NLRP1: variants seen among roughly 807,000 people sequenced by gnomAD.
The protein encoded by NLRP1 is NLR family pyrin domain containing 1.
A neutral mutation model predicts 136.7 loss-of-function variants in NLRP1; 94 were observed. The ratio of observed to expected loss-of-function variants is 0.69; its 90% CI spans 0.58 to 0.82. NLRP1 has a LOEUF of 0.82. Among genes scored for constraint, NLRP1 ranks in the 40% least tolerant of loss-of-function variants. The pLI, the probability that NLRP1 is intolerant of heterozygous loss-of-function variation, is 0.00. For synonymous variants in NLRP1, 690 were observed against 725.1 expected (o/e 0.95, Z 0.78); for missense variants, 1,575 against 1,802.7 (o/e 0.87, Z 2.29).
intron 3 of NLRP1, among the ~76,000 whole-genome samples, chr17:5,580,018 C>T (rs1003443980): frequency 2.0e-5 from 3 of 151,906 alleles, no homozygotes; most frequent in East Asian, 1.9e-4. Flanking sequence ...TGGATCACCT[C>T]GGATCAGGAG....
chr17:5,505,799 T>G (rs1907303029), intron 15 of NLRP1: 2 of 152,294 alleles, frequency 1.3e-5, no homozygotes. Context: ...TAGAGAGAAC[T>G]TAGCGCTTCC....
At chr17:5,578,545 T>A (rs28823121) in intron 3 of NLRP1, among the ~76,000 whole-genome samples, 8,230 of 152,196 alleles carry the variant, frequency 0.054, 454 homozygotes, top group African/African-American at 0.14. Context: ...GAAATGCAAA[T>A]CAAAACCACA....
At chr17:5,522,461 C>G (rs773891603) in intron 12 of NLRP1, among the ~76,000 whole-genome samples, 2 of 152,208 alleles carry the variant, frequency 1.3e-5, no homozygotes, top group African/African-American at 2.4e-5. Context: ...ACCAACACAC[C>G]AAATCTGCTG....
In NLRP1 at chr17:5,521,631, G is replaced by A; in HGVS notation, c.3676C>T (p.Leu1226=). The stretch of plus-strand genomic sequence containing the variant: ...ACAGAGGTGACGGGAATGAAGCGCA[G>A]GGCATTATGGATCATTTTCAGGAGG... ...GVLLKMIHNA[L]RFIPVTSVVL... The change falls in exon 13 of 17, where the codon CTG becomes TTG. Residue 1226 remains leucine (L), a synonymous_variant. Transcript: ENST00000572272. 1.2e-6 allele frequency: 2 copies of A among 1,614,122 alleles called. No homozygotes were observed. The highest frequency in any genetic ancestry group is 1.7e-6 in the Non-Finnish European group (2 of 1,180,028).
chr17:5,551,536 A>C (rs1305721254), intron 5 of NLRP1, among the ~76,000 whole-genome samples: 1 of 152,208 alleles, frequency 6.6e-6, no homozygotes, highest in African/African-American at 2.4e-5. Flanking sequence ...TCATTTTGGT[A>C]AATATCAAGG....
chr17:5,523,672 A>G (rs1909182750), intron 12 of NLRP1, among the ~76,000 whole-genome samples: 1 of 152,200 alleles, frequency 6.6e-6, no homozygotes, highest in East Asian at 1.9e-4. Flanking sequence ...CCTAGGGATC[A>G]GAGGTCCCAG....
At position 5,520,809 on chromosome 17, in the gene NLRP1, C is replaced by G. The variant is rs12946467; in HGVS notation, c.3915+72G>C. ...TCCTGTCCCTGAGAAAGCCCTGAGACCTGCCCCACAGGCATTCATTCCCAG... is the reference window on the plus strand; with the variant it reads ...TCCTGTCCCTGAGAAAGCCCTGAGAGCTGCCCCACAGGCATTCATTCCCAG... On this transcript the variant is annotated intron_variant, in intron 14 of 16. Coordinates refer to ENST00000572272, the MANE Select transcript of NLRP1 (RefSeq NM_033004.4). 503,920 of 1,373,100 alleles carry G rather than the reference C, an allele frequency of 0.37. 97,683 individuals carry two copies. The highest frequency in any genetic ancestry group is 0.4 in the Non-Finnish European group (409,037 of 1,028,450). The allele number at this position is 1,373,100 out of a possible 1,614,324, so 85.1% of individuals were successfully genotyped here.
At chr17:5,557,554 C>A (rs769057200) in intron 4 of NLRP1, among the ~76,000 whole-genome samples, 1 of 152,118 alleles carries the variant, frequency 6.6e-6, no homozygotes, top group African/African-American at 2.4e-5. Flanking sequence ...CCTTAAGGCA[C>A]GTATTGTGCT....
At chr17:5,534,697 C>T (rs1036447942) in intron 8 of NLRP1, among the ~76,000 whole-genome samples, 12 of 152,214 alleles carry the variant, frequency 7.9e-5, no homozygotes, top group African/African-American at 2.9e-4. Context: ...ATTTTCTACA[C>T]AGCAGCCAAT....
downstream of NLRP1, among the ~76,000 whole-genome samples, chr17:5,511,250 G>T (rs1227528999): frequency 6.6e-6 from 1 of 152,004 alleles, no homozygotes; most frequent in Non-Finnish European, 1.5e-5. Context: ...GGCCAACATG[G>T]TGAAACCCCG....
Position 5,541,901 on chromosome 17 carries a change from A to C in NLRP1, c.2655T>G (p.Leu885=), listed in dbSNP as rs764300207. The C allele has an allele frequency of 3.1e-6, 5 of 1,613,808 alleles. No individual in the cohort carries two copies. Among genetic ancestry groups the C allele is most frequent in the Admixed American group, 1.7e-5 (1 of 59,978 alleles). ...NVLTDAGAKH[L]CQRLRQPSCK... ...AGCTCGGCTGTCTCAGTCTCTGGCA[A>C]AGGTGTTTGGCTCCAGCATCCGTGA... is the stretch of plus-strand genomic sequence containing the variant. Residue 885 remains leucine, a synonymous_variant, in exon 6 of 17, where the codon CTT becomes CTG. Transcript: ENST00000572272. This position sits in a 1 kb window ranked among gnomAD's most constrained non-coding sequence, Gnocchi z 4.2.
chr17:5,522,246 C>A (rs1220819962), intron 12 of NLRP1, among the ~76,000 whole-genome samples: 1 of 152,242 alleles, frequency 6.6e-6, no homozygotes, highest in Non-Finnish European at 1.5e-5. Context: ...TGTCTGTGTC[C>A]TCCTACAATT....
At position 5,558,626 on chromosome 17, in the gene NLRP1, A is replaced by G. The variant is rs777775423; in HGVS notation, c.2070T>C (p.Phe690=). ...TCCTCCCCTGAGACAGCCGGCAGTGAAAGATGTTCTCCATCTCTCTCTCCC... is the reference window on the plus strand; with the variant it reads ...TCCTCCCCTGAGACAGCCGGCAGTGGAAGATGTTCTCCATCTCTCTCTCCC... ...DEGEREMENI[F]HCRLSQGRNL... is the part of the protein sequence containing the mutation. Residue 690 remains phenylalanine, a synonymous_variant, in exon 4 of 17, where the codon TTT becomes TTC. Transcript: ENST00000572272. The G allele has an allele frequency of 1.7e-5, 28 of 1,614,008 alleles. No homozygotes were observed. The South Asian group carries it at 2.7e-4, about 16-fold the overall frequency.
At chr17:5,556,115 TACACACACACACACACACACACAC>T (rs59028107) in intron 4 of NLRP1, among the ~76,000 whole-genome samples, 2 of 119,008 alleles carry the variant, frequency 1.7e-5, no homozygotes, top group African/African-American at 3.4e-5. Context: ...TCTCTCTCTC[TACACACACACACACACACACACAC>T]ACACACACAC....
rs200289958 is a variant in NLRP1, at chr17:5,558,590, C to G, written c.2106G>C (p.Gln702His). The change falls in exon 4 of 17, where the codon CAG becomes CAC. Residue 702 changes from glutamine (Q) to histidine (H), a missense_variant. Coordinates refer to ENST00000572272, the MANE Select transcript of NLRP1 (RefSeq NM_033004.4). ...GCAGCAGCTGCAGGGACGGGACCCACTGCATCAGGTTCCTCCCCTGAGACA... is the reference window on the plus strand; with the variant it reads ...GCAGCAGCTGCAGGGACGGGACCCAGTGCATCAGGTTCCTCCCCTGAGACA... ...CRLSQGRNLM[Q>H]WVPSLQLLLQ... The G allele has an allele frequency of 1.2e-6, 2 of 1,614,098 alleles. No homozygotes were observed. Among genetic ancestry groups the G allele is most frequent in the Non-Finnish European group, 1.7e-6 (2 of 1,180,026 alleles).
chr17:5,510,540 G>A (rs1299774645), downstream of NLRP1, among the ~76,000 whole-genome samples: 1 of 151,356 alleles, frequency 6.6e-6, no homozygotes, highest in Non-Finnish European at 1.5e-5. Context: ...TTGTATTTTT[G>A]TAGAGACAGA....
intron 4 of NLRP1, among the ~76,000 whole-genome samples, chr17:5,557,351 A>G (rs969808217): frequency 6.6e-6 from 1 of 151,926 alleles, no homozygotes; most frequent in Admixed American, 6.6e-5. Flanking sequence ...TTTTATTGTG[A>G]GAAAAAGTTT....
intron 16 of NLRP1, 123 bp downstream of exon 16, chr17:5,515,350 G>T: frequency 2.3e-6 from 2 of 883,466 alleles, no homozygotes; most frequent in East Asian, 2.5e-5. Flanking sequence ...CGCTCTCCAG[G>T]GCCTGACTCT....
Position 5,541,952 on chromosome 17 carries a change from G to A in NLRP1, c.2604C>T (p.Thr868=), listed in dbSNP as rs200212090. ...AFGLRANQTL[T]ELDLSFNVLT... ...GCACATTGAAGCTCAGGTCCAGCTC[G>A]GTCAGGGTCTGGTTGGCTCTCAGCC... The change falls in exon 6 of 17, where the codon ACC becomes ACT. Residue 868 remains threonine, a synonymous_variant. Transcript: ENST00000572272. This position sits in a 1 kb window ranked among gnomAD's most constrained non-coding sequence, Gnocchi z 4.2. 2.3e-5 allele frequency: 37 copies of A among 1,614,148 alleles called. No individual in the cohort carries two copies. The highest frequency in any genetic ancestry group is 6.7e-5 in the African/African-American group (5 of 75,042).
Sources: gnomAD v4.1 joint callset for allele counts (sites outside exome capture counted in the v4.1 genomes callset) on GRCh38, gnomAD v4.1.1 for gene constraint, Gnocchi (gnomAD v3.1) non-coding constraint, MANE v1.5 for transcripts, NCBI Gene and HGNC (gene_info 2026-07-23, HGNC 2026-07-21) for gene names.